CEP170B: variants seen among roughly 807,000 people sequenced by gnomAD.
The protein encoded by CEP170B is centrosomal protein 170B.
Under a neutral mutation model 120.6 loss-of-function variants are expected in CEP170B, and 55 were observed. That is an observed-to-expected ratio of 0.46 (90% CI 0.37 to 0.57). The LOEUF (loss-of-function observed/expected upper bound fraction) is 0.57. Ranked by LOEUF, CEP170B falls within the 20% of genes least tolerant of loss-of-function variation. The probability of loss-of-function intolerance (pLI) is 0.00; values close to 1 mark genes in which losing one functional copy is unlikely to be tolerated. For synonymous variants in CEP170B, 1,033 were observed against 954.5 expected (o/e 1.08, Z -1.52); for missense variants, 2,212 against 2,253.3 (o/e 0.98, Z 0.37).
rs766798081 is a variant in CEP170B, at chr14:104,867,493, C to T, written c.-27-931C>T. Among the ~76,000 whole-genome samples the T allele has an allele frequency of 9.2e-5, 14 of 152,172 alleles. No individual in the cohort carries two copies. The highest frequency in any genetic ancestry group is 2.1e-4 in the South Asian group (1 of 4,826). On this transcript the variant is annotated intron_variant, in intron 1 of 18. Coordinates refer to ENST00000414716, the MANE Select transcript of CEP170B (RefSeq NM_001112726.3). This position sits in a 1 kb window ranked among gnomAD's most constrained non-coding sequence, Gnocchi z 5.4. Reference sequence around the variant, plus strand: ...TGGTCACAGCTGGCTTAGCCCAGGCCGCCTAGCCCATAGCAGCACTCAGGA... The same window carrying T: ...TGGTCACAGCTGGCTTAGCCCAGGCTGCCTAGCCCATAGCAGCACTCAGGA...
Position 104,883,063 on chromosome 14 carries a change from C to T in CEP170B, c.606C>T (p.Asp202=), listed in dbSNP as rs746459319. The change falls in exon 8 of 19, where the codon GAC becomes GAT. Residue 202 remains aspartate (D), a synonymous_variant. Coordinates refer to ENST00000414716, the MANE Select transcript of CEP170B (RefSeq NM_001112726.3). ...GCCCCAAGGGACCAGTGCAGCAGGACGGGGAGCTCCACGGCTTCCGCGCCC... is the reference window on the plus strand; with the variant it reads ...GCCCCAAGGGACCAGTGCAGCAGGATGGGGAGCTCCACGGCTTCCGCGCCC... ...PERPKGPVQQ[D]GELHGFRAPA... 3.4e-5 allele frequency: 52 copies of T among 1,548,166 alleles called. No homozygotes were observed. Among genetic ancestry groups the T allele is most frequent in the South Asian group, 4.7e-5 (4 of 84,616 alleles).
chr14:104,885,018 G>A (rs373261044), intron 9 of CEP170B, among the ~76,000 whole-genome samples: 1,531 of 141,016 alleles, frequency 0.011, 18 homozygotes, highest in African/African-American at 0.025. Flanking sequence ...AGGCGATGCC[G>A]GGGGTGGCGA....
chr14:104,880,693 A>C (rs558691971), intron 6 of CEP170B, among the ~76,000 whole-genome samples: 43 of 150,382 alleles, frequency 2.9e-4, no homozygotes, highest in African/African-American at 1.0e-3. Context: ...CTACCCATGC[A>C]TGCCTGCATC....
At chr14:104,892,480 C>T (rs939687898) in intron 13 of CEP170B, among the ~76,000 whole-genome samples, 5 of 148,020 alleles carry the variant, frequency 3.4e-5, no homozygotes, top group African/African-American at 1.0e-4. Flanking sequence ...CCACCCTCTG[C>T]CCAGCCCCCA....
At chr14:104,885,983 C>G in intron 10 of CEP170B, 57 bp from the exon 11 acceptor site, 1 of 1,440,724 alleles carries the variant, frequency 6.9e-7, no homozygotes, top group South Asian at 1.4e-5. Context: ...CCCTGGCACC[C>G]CCTGCTTCTC....
Position 104,884,543 on chromosome 14 carries a change from C to T in CEP170B, c.1764C>T (p.Ile588=), listed in dbSNP as rs368118011. 1.6e-4 allele frequency: 242 copies of T among 1,556,686 alleles called. 2 individuals are homozygous for T. The highest frequency in any genetic ancestry group is 7.2e-4 in the South Asian group (61 of 84,362). ...DTEVEEARKM[I]DQVFGVLESP... ...AGGTGGAGGAGGCCCGGAAGATGATCGACCAGGTGCAGCCCAGCGGCGAGT... is the reference window on the plus strand; with the variant it reads ...AGGTGGAGGAGGCCCGGAAGATGATTGACCAGGTGCAGCCCAGCGGCGAGT... The change falls in exon 9 of 19, where the codon ATC becomes ATT. Residue 588 remains isoleucine (I), a synonymous_variant. Transcript: ENST00000414716.
rs1010570764 is a variant in CEP170B, at chr14:104,891,240, G to A, written c.3878+1482G>A. Among the ~76,000 whole-genome samples, 2 of 152,150 alleles carry A rather than the reference G, an allele frequency of 1.3e-5. No individual in the cohort carries two copies. Among genetic ancestry groups the A allele is most frequent in the African/African-American group, 4.8e-5 (2 of 41,416 alleles). On this transcript the variant is annotated intron_variant, in intron 13 of 18. Transcript: ENST00000414716. This position sits in a 1 kb window ranked among gnomAD's most constrained non-coding sequence, Gnocchi z 4.3. ...CCCTCTCCAGGCCAGGCGCTGGGGA[G>A]GATGGGGTAGGGAGTTGGGTGGGAG...
At chr14:104,880,159 T>G in intron 5 of CEP170B, 128 bp from the exon 6 acceptor site, 5 of 1,287,366 alleles carry the variant, frequency 3.9e-6, no homozygotes, top group Non-Finnish European at 4.3e-6. Context: ...TTGGGGAGCA[T>G]TAGGGAGAGC....
In CEP170B at chr14:104,882,172, T is replaced by C. The variant is rs549503955; in HGVS notation, c.473-556T>C. On this transcript the variant is annotated intron_variant, in intron 6 of 18. Coordinates refer to ENST00000414716, the MANE Select transcript of CEP170B (RefSeq NM_001112726.3). ...CAGGAGTGAGATTCTATCTGAAATATACAATTTCCCTCCTGGTCATTAAGG... is the reference window on the plus strand; with the variant it reads ...CAGGAGTGAGATTCTATCTGAAATACACAATTTCCCTCCTGGTCATTAAGG... 3.9e-5 allele frequency among the ~76,000 whole-genome samples: 6 copies of C among 152,256 alleles called. No individual in the cohort carries two copies. The South Asian group carries it at 1.0e-3, about 26-fold the overall frequency.
At chr14:104,890,602 G>GA (rs1896789626) in intron 13 of CEP170B, among the ~76,000 whole-genome samples, 1 of 119,792 alleles carries the variant, frequency 8.3e-6, no homozygotes, top group Non-Finnish European at 1.8e-5. Flanking sequence ...GAGTGAGTGG[G>GA]TGGATGGATG....
intron 2 of CEP170B, among the ~76,000 whole-genome samples, chr14:104,875,248 G>A (rs552013408): frequency 6.6e-6 from 1 of 152,350 alleles, no homozygotes; most frequent in East Asian, 1.9e-4. Context: ...CTGTCCCAGG[G>A]CTGGGGGACT....
At chr14:104,874,365 T>G (rs529563952) in intron 2 of CEP170B, among the ~76,000 whole-genome samples, 1 of 152,042 alleles carries the variant, frequency 6.6e-6, no homozygotes, top group Admixed American at 6.6e-5. Context: ...TGGAGGTGGG[T>G]GGTGGCTATC....
intron 6 of CEP170B, among the ~76,000 whole-genome samples, 178 bp from the exon 7 acceptor site, chr14:104,882,539 TGAGCCACCTCG>T (rs1896211718): frequency 6.6e-6 from 1 of 151,764 alleles, no homozygotes; most frequent in South Asian, 2.1e-4. Flanking sequence ...GAGGGGCCAG[TGAGCCACCTCG>T]GAACTCAAGG....
intron 5 of CEP170B, 125 bp from the exon 6 acceptor site, chr14:104,880,162 G>A: frequency 7.5e-7 from 1 of 1,325,422 alleles, no homozygotes; most frequent in Non-Finnish European, 1.0e-6. Flanking sequence ...GGGAGCATTA[G>A]GGAGAGCTTG....
At chr14:104,882,904 G>A (rs943961689) in intron 7 of CEP170B, 72 bp downstream of exon 7, 1 of 1,513,530 alleles carries the variant, frequency 6.6e-7, no homozygotes, top group Admixed American at 2.0e-5. Context: ...GATGGCCTGG[G>A]CTTGAGGAGC....
chr14:104,881,921 C>T (rs570467371), intron 6 of CEP170B, among the ~76,000 whole-genome samples: 24 of 152,198 alleles, frequency 1.6e-4, no homozygotes, highest in African/African-American at 4.8e-4. Flanking sequence ...TGGTTCCTGA[C>T]GGGTGACTGG....
At position 104,883,064 on chromosome 14, in the gene CEP170B, G is replaced by T. The variant is rs756793510; in HGVS notation, c.607G>T (p.Gly203Trp). ...CCCCAAGGGACCAGTGCAGCAGGAC[G>T]GGGAGCTCCACGGCTTCCGCGCCCC... ...ERPKGPVQQD[G>W]ELHGFRAPAE... The change falls in exon 8 of 19, where the codon GGG (glycine) becomes TGG (tryptophan). Residue 203 changes from glycine (G) to tryptophan (W), a missense_variant. Physicochemically the swap from Gly to Trp is radical, Grantham distance 184. Around this residue, in one of 2 missense-constraint regions of CEP170B, gnomAD observed 2,166 missense variants for 2,166.7 expected, o/e 1.00. Coordinates refer to ENST00000414716, the MANE Select transcript of CEP170B (RefSeq NM_001112726.3). The T allele has an allele frequency of 7.1e-6, 11 of 1,550,522 alleles. No individual in the cohort carries two copies. Among genetic ancestry groups the T allele is most frequent in the African/African-American group, 4.1e-5 (3 of 73,418 alleles).
rs767856457 is a variant in CEP170B at position 104,883,892 on chromosome 14, G to C, written c.1113G>C (p.Ser371=). ...DSEDPLAKAA[S]AAGVPLEASG... ...AGGACCCCCTGGCCAAGGCGGCCTC[G>C]GCCGCTGGGGTGCCCTTGGAGGCCA... The change falls in exon 9 of 19, where the codon TCG becomes TCC. Residue 371 remains serine (S), a synonymous_variant. Coordinates refer to ENST00000414716, the MANE Select transcript of CEP170B (RefSeq NM_001112726.3). The C allele has an allele frequency of 2.5e-6, 4 of 1,585,426 alleles. No homozygotes were observed. The highest frequency in any genetic ancestry group is 3.4e-6 in the Non-Finnish European group (4 of 1,166,554).
Position 104,868,160 on chromosome 14 carries a change from G to C in CEP170B, c.-27-264G>C, listed in dbSNP as rs1895285423. Among the ~76,000 whole-genome samples the C allele has an allele frequency of 6.6e-6, 1 of 152,144 alleles. No individual in the cohort carries two copies. The highest frequency in any genetic ancestry group is 2.4e-5 in the African/African-American group (1 of 41,416). The stretch of plus-strand genomic sequence containing the variant: ...GAAGATAGAGGAGATGAGGTGTGCT[G>C]GGGCCTGGAGGATAAGGGAGAACCA... On this transcript the variant is annotated intron_variant, in intron 1 of 18. Transcript: ENST00000414716. This position sits in a 1 kb window ranked among gnomAD's most constrained non-coding sequence, Gnocchi z 5.9.
Sources: gnomAD v4.1 joint callset for allele counts (sites outside exome capture counted in the v4.1 genomes callset) on GRCh38, gnomAD v4.1.1 for gene constraint, gnomAD v4.1.1 regional missense constraint, Gnocchi (gnomAD v3.1) non-coding constraint, MANE v1.5 for transcripts, NCBI Gene and HGNC (gene_info 2026-07-23, HGNC 2026-07-21) for gene names.